The following LAMA3 variants were observed in gnomAD, a reference collection of about 807,000 sequenced individuals.
The protein encoded by LAMA3 is laminin subunit alpha 3, also known as laminin subunit alpha-3.
A neutral mutation model predicts 402.0 loss-of-function variants in LAMA3; 281 were observed. The ratio of observed to expected loss-of-function variants is 0.70; its 90% CI spans 0.63 to 0.77. The LOEUF is 0.77. Among genes scored for constraint, LAMA3 ranks in the 30% least tolerant of loss-of-function variants. LAMA3 has a pLI of 0.00. For synonymous variants in LAMA3, 1,431 were observed against 1,558.4 expected, an observed-to-expected ratio of 0.92 and a Z score of 1.93; for missense variants, 3,840 against 4,215.5, an observed-to-expected ratio of 0.91 and a Z score of 2.47.
chr18:23,906,837 A>G (rs2081264779), intron 52 of LAMA3, among the ~76,000 whole-genome samples: 1 of 152,194 alleles, frequency 6.6e-6, no homozygotes, highest in African/African-American at 2.4e-5. Context: ...GATGCTAACT[A>G]TGTTGCTATG....
At position 23,952,995 on chromosome 18, in the gene LAMA3, A is replaced by G; in HGVS notation, c.9742A>G (p.Ile3248Val). The G allele has an allele frequency of 2.5e-6, 4 of 1,614,108 alleles. No homozygotes were observed. Among genetic ancestry groups the G allele is most frequent in the East Asian group, 2.2e-5 (1 of 44,884 alleles). Reference sequence around the variant, plus strand: ...AACCAGCCTCCTTTCCCCAGTCACCATAAAACAACACATCCTGCACCTGGA... The same window carrying G: ...AACCAGCCTCCTTTCCCCAGTCACCGTAAAACAACACATCCTGCACCTGGA... ...DGQWHSVAVT[I>V]KQHILHLELD... Residue 3248 changes from isoleucine (I) to valine (V), a missense_variant, in exon 74 of 75, where the codon ATA (isoleucine) becomes GTA (valine). This residue lies in a region of LAMA3 where 840 missense variants were observed against 981.9 expected (regional missense o/e 0.86). Coordinates refer to ENST00000313654, the MANE Select transcript of LAMA3 (RefSeq NM_198129.4).
chr18:23,823,157 A>T (rs2063320273), intron 20 of LAMA3, among the ~76,000 whole-genome samples: 1 of 152,212 alleles, frequency 6.6e-6, no homozygotes, highest in South Asian at 2.1e-4. Flanking sequence ...GCGTGGCTGG[A>T]GGTTGATTAA....
rs146612341 is a variant in LAMA3, at chr18:23,922,058, G to A, written c.8177+473G>A. The stretch of plus-strand genomic sequence containing the variant: ...AGCTGCTCCTTACATGCTATCGAGC[G>A]TGGAATTGTTACGTAACTGTTTCTT... On this transcript the variant is annotated intron_variant, in intron 62 of 74. Transcript: ENST00000313654. 2.0e-3 allele frequency among the ~76,000 whole-genome samples: 306 copies of A among 152,328 alleles called. 3 individuals carry two copies. The highest frequency in any genetic ancestry group is 0.014 in the Middle Eastern group (4 of 294).
intron 29 of LAMA3, 75 bp downstream of exon 29, chr18:23,842,825 A>C: frequency 4.5e-6 from 7 of 1,565,878 alleles, no homozygotes; most frequent in Non-Finnish European, 6.2e-6. Flanking sequence ...TGTTTAGCTC[A>C]TGGAAATAAT....
chr18:23,867,967 T>C (rs1249100865), intron 37 of LAMA3, 50 bp downstream of exon 37: 1 of 1,337,616 alleles, frequency 7.5e-7, no homozygotes, highest in South Asian at 1.2e-5. Flanking sequence ...GTGACTTAAT[T>C]ATTTCAGACA....
In LAMA3 at chr18:23,837,060, C is replaced by T. The variant is rs765055862; in HGVS notation, c.3064C>T (p.Leu1022Phe). Residue 1022 changes from leucine to phenylalanine, a missense_variant, in exon 25 of 75, where the codon CTC becomes TTC. Coordinates refer to ENST00000313654, the MANE Select transcript of LAMA3 (RefSeq NM_198129.4). ...GCTATTGGCAGATGCAGACATTCAG[C>T]TCAAGGGACACATGGCCCGATTCCT... ...YELLADADIQ[L>F]KGHMARFLLH... 6 of 1,613,382 alleles carry T rather than the reference C, an allele frequency of 3.7e-6. No homozygotes were observed. The highest frequency in any genetic ancestry group is 3.3e-4 in the Middle Eastern group (2 of 6,046).
chr18:23,792,858 GA>G (rs2062686737), intron 12 of LAMA3, among the ~76,000 whole-genome samples: 1 of 152,184 alleles, frequency 6.6e-6, no homozygotes, highest in Admixed American at 6.5e-5. Context: ...GACATCAGGA[GA>G]TCCCACCCAA....
At position 23,750,915 on chromosome 18, in the gene LAMA3, T is replaced by A. The variant is rs558471903; in HGVS notation, c.685-3T>A. ...CCCCTTTATGTGTGTGTGGTCATTT[T>A]AGGTTGTGGTGTCCTTGATAAACGG... On this transcript the variant is annotated splice_polypyrimidine_tract_variant and splice_region_variant and intron_variant, in intron 4 of 74. Coordinates refer to ENST00000313654, the MANE Select transcript of LAMA3 (RefSeq NM_198129.4). 1 of 1,614,064 alleles carries A rather than the reference T, an allele frequency of 6.2e-7. No individual in the cohort carries two copies. Among genetic ancestry groups the A allele is most frequent in the Admixed American group, 1.7e-5 (1 of 60,002 alleles).
At position 23,741,216 on chromosome 18, in the gene LAMA3, C is replaced by T. The variant is rs11875329; in HGVS notation, c.448-6727C>T. On this transcript the variant is annotated intron_variant, in intron 2 of 74. Coordinates refer to ENST00000313654, the MANE Select transcript of LAMA3 (RefSeq NM_198129.4). ...CCTTGTGATCCACCCGCCTTGGCCT[C>T]CCAGAGCCAAGCATACTCTTTCTGA... Among the ~76,000 whole-genome samples the T allele has an allele frequency of 8.1e-3, 1,236 of 152,174 alleles. 17 individuals are homozygous for T. The highest frequency in any genetic ancestry group is 0.029 in the African/African-American group (1,187 of 41,496).
chr18:23,838,914 C>A, intron 26 of LAMA3, 36 bp downstream of exon 26: 1 of 1,186,136 alleles, frequency 8.4e-7, no homozygotes, highest in Non-Finnish European at 1.3e-6. Context: ...CGTTCATGTT[C>A]TGAGTGATAC....
At chr18:23,899,876 C>T (rs903305049) in intron 47 of LAMA3, among the ~76,000 whole-genome samples, 6 of 152,032 alleles carry the variant, frequency 3.9e-5, no homozygotes, top group African/African-American at 9.7e-5. Flanking sequence ...TGGGACCAGA[C>T]GTGTTTCAGA....
intron 34 of LAMA3, among the ~76,000 whole-genome samples, chr18:23,860,141 A>T (rs574835631): frequency 6.6e-6 from 1 of 152,018 alleles, no homozygotes; most frequent in East Asian, 1.9e-4. Flanking sequence ...CGCATCTCTC[A>T]TGATGTCTTG....
intron 2 of LAMA3, among the ~76,000 whole-genome samples, chr18:23,723,582 G>T (rs768471135): frequency 6.6e-6 from 1 of 152,162 alleles, no homozygotes; most frequent in African/African-American, 2.4e-5. Flanking sequence ...CTCGGTGGAT[G>T]GGGAGATCAG....
intron 1 of LAMA3, 61 bp from the exon 2 acceptor site, chr18:23,713,859 T>A: frequency 6.6e-7 from 1 of 1,510,078 alleles, no homozygotes; most frequent in Non-Finnish European, 9.1e-7. Context: ...TAAGAAAAAA[T>A]TACTTGAAAG....
Position 23,920,984 on chromosome 18 carries a change from A to G in LAMA3, c.7973A>G (p.Tyr2658Cys), listed in dbSNP as rs777205146. 6.2e-7 allele frequency: 1 copy of G among 1,614,110 alleles called. No individual in the cohort carries two copies. The highest frequency in any genetic ancestry group is 8.5e-7 in the Non-Finnish European group (1 of 1,179,970). The change falls in exon 61 of 75, where the codon TAC (tyrosine) becomes TGC (cysteine). Residue 2658 changes from tyrosine (Y) to cysteine (C), a missense_variant. Tyr to Cys is a radical substitution (Grantham distance 194, BLOSUM62 -2). This residue lies in a region of LAMA3 where 840 missense variants were observed against 981.9 expected (regional missense o/e 0.86). Transcript: ENST00000313654. ...GAAGATGGCAAGCTCATGGTGAGAT[A>G]CAAACTGAATTCAGAGCTACCAAAA... ...NIEDGKLMVR[Y>C]KLNSELPKER...
intron 2 of LAMA3, among the ~76,000 whole-genome samples, chr18:23,718,454 G>A (rs1447635373): frequency 6.6e-6 from 1 of 152,204 alleles, no homozygotes; most frequent in Non-Finnish European, 1.5e-5. Flanking sequence ...TATGCAATGT[G>A]TAATGTTTCC....
chr18:23,751,103 C>T lies in LAMA3; in HGVS notation c.855+15C>T. 4 of 1,613,762 alleles carry T rather than the reference C, an allele frequency of 2.5e-6. No homozygotes were observed. The highest frequency in any genetic ancestry group is 3.4e-6 in the Non-Finnish European group (4 of 1,179,716). ...TCACTCGGCGGGTGAGTAGTCAGAG[C>T]ATTTGTTTTGTTACTTTATTTATTC... On this transcript the variant is annotated intron_variant, in intron 5 of 74. Transcript: ENST00000313654.
intron 8 of LAMA3, among the ~76,000 whole-genome samples, chr18:23,763,914 G>C (rs1045599667): frequency 6.6e-6 from 1 of 152,046 alleles, no homozygotes; most frequent in Non-Finnish European, 1.5e-5. Flanking sequence ...GACTCAGTGA[G>C]GAAATGCATC....
chr18:23,739,241 C>T (rs561290576), intron 2 of LAMA3, among the ~76,000 whole-genome samples: 5 of 152,228 alleles, frequency 3.3e-5, no homozygotes, highest in South Asian at 2.1e-4. Flanking sequence ...GACCACGGTA[C>T]GACAACTACC....
Sources: gnomAD v4.1 joint callset for allele counts (sites outside exome capture counted in the v4.1 genomes callset) on GRCh38, gnomAD v4.1.1 for gene constraint, gnomAD v4.1.1 regional missense constraint, MANE v1.5 for transcripts, NCBI Gene and HGNC (gene_info 2026-07-23, HGNC 2026-07-21) for gene names.